The following SWAP70 variants were observed in gnomAD, a reference collection of about 807,000 sequenced individuals.
The protein encoded by SWAP70 is switch-associated protein 70.
In SWAP70, 34 loss-of-function variants were observed where a neutral mutation model predicts 80.2. The ratio of observed to expected loss-of-function variants is 0.42; its 90% CI spans 0.32 to 0.56. SWAP70 has a LOEUF of 0.56. SWAP70 is among the 20% of genes least tolerant of loss of function. The pLI is 0.09. For synonymous variants in SWAP70, 239 were observed against 238.5 expected (o/e 1.00, Z -0.02); for missense variants, 578 against 690.7 (o/e 0.84, Z 1.83).
chr11:9,681,844 A>G (rs995851504), intron 1 of SWAP70, among the ~76,000 whole-genome samples: 6 of 152,220 alleles, frequency 3.9e-5, no homozygotes, highest in Admixed American at 1.3e-4. Flanking sequence ...AAAAGGATGT[A>G]TGAAATTCCC....
intron 1 of SWAP70, among the ~76,000 whole-genome samples, chr11:9,674,909 C>G (rs1379276246): frequency 5.9e-5 from 9 of 151,392 alleles, no homozygotes; most frequent in Non-Finnish European, 1.2e-4. Flanking sequence ...GCAGAGCTTG[C>G]AGTGAGCGGA....
intron 7 of SWAP70, among the ~76,000 whole-genome samples, chr11:9,737,674 G>A (rs914993640): frequency 1.3e-5 from 2 of 152,038 alleles, no homozygotes; most frequent in African/African-American, 4.8e-5. Context: ...GAGGTGGGCG[G>A]ATCACGAGGT....
At chr11:9,725,119 A>T in intron 4 of SWAP70, 1 of 470,016 alleles carries the variant, frequency 2.1e-6, no homozygotes, top group Non-Finnish European at 3.8e-6. Flanking sequence ...CTTGCCTTGA[A>T]GGCATGCACC....
intron 2 of SWAP70, among the ~76,000 whole-genome samples, chr11:9,703,896 A>G (rs1221346801): frequency 6.6e-6 from 1 of 152,200 alleles, no homozygotes; most frequent in African/African-American, 2.4e-5. Context: ...GGGACTCAGG[A>G]AAGAGTTTGA....
At chr11:9,696,618 G>A (rs552154506) in intron 2 of SWAP70, among the ~76,000 whole-genome samples, 1 of 151,988 alleles carries the variant, frequency 6.6e-6, no homozygotes, top group African/African-American at 2.4e-5. Context: ...TTTAAAAAAA[G>A]GTTTTTTTAT....
intron 1 of SWAP70, among the ~76,000 whole-genome samples, chr11:9,692,428 C>T (rs781273206): frequency 1.3e-5 from 2 of 151,562 alleles, no homozygotes; most frequent in African/African-American, 2.4e-5. Flanking sequence ...CTTTTTTATA[C>T]AAAAGATGGC....
At chr11:9,672,805 A>G (rs1230171796) in intron 1 of SWAP70, among the ~76,000 whole-genome samples, 1 of 152,122 alleles carries the variant, frequency 6.6e-6, no homozygotes, top group African/African-American at 2.4e-5. Context: ...TATATACCTA[A>G]TTTTTAACAA....
intron 1 of SWAP70, among the ~76,000 whole-genome samples, chr11:9,689,576 T>C (rs1050053786): frequency 6.6e-6 from 1 of 152,216 alleles, no homozygotes; most frequent in African/African-American, 2.4e-5. Context: ...TAAATTCAGC[T>C]TTTTCAAGAA....
In SWAP70 at chr11:9,728,210, T is replaced by C. The variant is rs1851251418; in HGVS notation, c.789+11T>C. On this transcript the variant is annotated intron_variant, in intron 5 of 11. Coordinates refer to ENST00000318950, the MANE Select transcript of SWAP70 (RefSeq NM_015055.4). ...AATTGCTGTGTAGAGGTGAGTCTAC[T>C]CTTACTTCTTTGCATGATTACCCCG... 1 of 1,584,670 alleles carries C rather than the reference T, an allele frequency of 6.3e-7. No homozygotes were observed.
chr11:9,731,511 A>G (rs1240516240), intron 6 of SWAP70, among the ~76,000 whole-genome samples: 1 of 152,224 alleles, frequency 6.6e-6, no homozygotes, highest in African/African-American at 2.4e-5. Flanking sequence ...CAATCTAGCT[A>G]TCTATTAATA....
rs1326739312 is a variant in SWAP70, at chr11:9,750,251, G to C, written c.*281G>C. The C allele has an allele frequency of 4.4e-6, 1 of 227,962 alleles. No homozygotes were observed. The highest frequency in any genetic ancestry group is 9.0e-6 in the Non-Finnish European group (1 of 111,186). 14.1% of individuals were successfully genotyped at this position (227,962 alleles called of 1,614,324 possible). On this transcript the variant is annotated 3_prime_UTR_variant, in exon 12 of 12. Transcript: ENST00000318950. ...AGCTACTTGGGAGGCTGAGGCAGGA[G>C]AATCACTTGAACGTGGGAGGCGGAG...
intron 2 of SWAP70, among the ~76,000 whole-genome samples, chr11:9,694,690 G>A (rs1194667471): frequency 6.6e-6 from 1 of 152,024 alleles, no homozygotes; most frequent in African/African-American, 2.4e-5. Flanking sequence ...ACATTTACAC[G>A]GCCAACAAAC....
At chr11:9,680,694 G>A (rs903555256) in intron 1 of SWAP70, among the ~76,000 whole-genome samples, 2 of 152,116 alleles carry the variant, frequency 1.3e-5, no homozygotes, top group Non-Finnish European at 2.9e-5. Flanking sequence ...GGGATTGCAG[G>A]CATTTTTAAA....
At chr11:9,674,647 G>GA (rs932955422) in intron 1 of SWAP70, among the ~76,000 whole-genome samples, 14 of 152,084 alleles carry the variant, frequency 9.2e-5, no homozygotes, top group African/African-American at 3.4e-4. Context: ...CAGCCTGGGT[G>GA]ACAGAGCAAG....
intron 1 of SWAP70, among the ~76,000 whole-genome samples, chr11:9,687,531 A>G (rs886417101): frequency 3.3e-5 from 5 of 152,080 alleles, no homozygotes; most frequent in African/African-American, 7.2e-5. Flanking sequence ...TCTGTGGTCA[A>G]ATTTACCAGT....
intron 1 of SWAP70, among the ~76,000 whole-genome samples, chr11:9,682,111 G>T (rs1850574746): frequency 6.6e-6 from 1 of 152,194 alleles, no homozygotes; most frequent in African/African-American, 2.4e-5. Flanking sequence ...ATATCCTGAG[G>T]AGTAGTTGTT....
chr11:9,699,749 G>A (rs1276351406), intron 2 of SWAP70, among the ~76,000 whole-genome samples: 1 of 151,976 alleles, frequency 6.6e-6, no homozygotes, highest in Non-Finnish European at 1.5e-5. Context: ...CTAACTACTT[G>A]AGAGACTGAG....
chr11:9,740,489 A>G (rs910145250), intron 9 of SWAP70, 142 bp downstream of exon 9: 1 of 865,904 alleles, frequency 1.2e-6, no homozygotes, highest in African/African-American at 1.7e-5. Flanking sequence ...TCCAGATTAG[A>G]AAGACTGTGG....
At chr11:9,669,767 A>G (rs1324809798) in intron 1 of SWAP70, among the ~76,000 whole-genome samples, 1 of 152,116 alleles carries the variant, frequency 6.6e-6, no homozygotes, top group Non-Finnish European at 1.5e-5. Context: ...TTGCCACACA[A>G]ATTAGGTGTA....
Sources: gnomAD v4.1 joint callset for allele counts (sites outside exome capture counted in the v4.1 genomes callset) on GRCh38, gnomAD v4.1.1 for gene constraint, MANE v1.5 for transcripts, NCBI Gene and HGNC (gene_info 2026-07-23, HGNC 2026-07-21) for gene names.